The following PXDN variants were observed in gnomAD, a reference collection of about 807,000 sequenced individuals.
PXDN encodes the protein peroxidasin.
A neutral mutation model predicts 140.3 loss-of-function variants in PXDN; 77 were observed. The ratio of observed to expected loss-of-function variants is 0.55; its 90% CI spans 0.46 to 0.66. The LOEUF (loss-of-function observed/expected upper bound fraction) is 0.66. PXDN is among the 30% of genes least tolerant of loss of function. The pLI is 0.00. For synonymous variants in PXDN, 911 were observed against 857.4 expected (o/e 1.06, Z -1.09); for missense variants, 1,838 against 2,039.5 (o/e 0.90, Z 1.90).
intron 1 of PXDN, among the ~76,000 whole-genome samples, chr2:1,740,521 G>A (rs1241576098): frequency 6.6e-6 from 1 of 151,950 alleles, no homozygotes; most frequent in Admixed American, 6.6e-5. Flanking sequence ...GAGACCCACA[G>A]AGCAGCAACA....
chr2:1,698,553 G>T (rs1684348660), intron 1 of PXDN, among the ~76,000 whole-genome samples: 1 of 152,226 alleles, frequency 6.6e-6, no homozygotes, highest in Non-Finnish European at 1.5e-5. Flanking sequence ...TCGGAATTTA[G>T]AAACTAAGAA....
At chr2:1,701,172 C>T (rs1181194648) in intron 1 of PXDN, among the ~76,000 whole-genome samples, 2 of 152,272 alleles carry the variant, frequency 1.3e-5, no homozygotes, top group East Asian at 3.9e-4. Flanking sequence ...GACCTAAAAT[C>T]GCTTCAGTGC....
At chr2:1,693,644 TG>T (rs1354011009) in intron 1 of PXDN, among the ~76,000 whole-genome samples, 3 of 152,232 alleles carry the variant, frequency 2.0e-5, no homozygotes, top group African/African-American at 7.2e-5. Flanking sequence ...GCACGCTAAC[TG>T]GGAAAATAGG....
At chr2:1,668,364 G>T (rs796483646) in intron 9 of PXDN, among the ~76,000 whole-genome samples, 14 of 152,196 alleles carry the variant, frequency 9.2e-5, no homozygotes, top group African/African-American at 3.4e-4. Context: ...AGAAAACCTA[G>T]GCAATAACAT....
At chr2:1,646,637 A>G (rs1378183214) in intron 17 of PXDN, among the ~76,000 whole-genome samples, 3 of 152,236 alleles carry the variant, frequency 2.0e-5, no homozygotes, top group African/African-American at 4.8e-5. Context: ...CAAGTAAAAA[A>G]TCACTTTCCC....
chr2:1,676,805 C>T, intron 8 of PXDN, 122 bp downstream of exon 8: 2 of 926,282 alleles, frequency 2.2e-6, no homozygotes, highest in East Asian at 2.6e-5. Flanking sequence ...CTCCTTTGTA[C>T]TTTTCCCTAC....
intron 6 of PXDN, among the ~76,000 whole-genome samples, 171 bp downstream of exon 6, chr2:1,683,483 CAT>C (rs1449948653): frequency 2.8e-5 from 4 of 144,140 alleles, no homozygotes; most frequent in East Asian, 1.9e-4. Flanking sequence ...GTCTGAGCCA[CAT>C]GTTTTTCATT....
chr2:1,641,149 CTTTTTATT>C (rs1325100527), intron 19 of PXDN, among the ~76,000 whole-genome samples: 3 of 152,142 alleles, frequency 2.0e-5, no homozygotes, highest in Admixed American at 6.6e-5. Context: ...TTAAATGTGT[CTTTTTATT>C]TTTTTATTTT....
intron 1 of PXDN, among the ~76,000 whole-genome samples, chr2:1,722,815 C>T (rs961322072): frequency 2.6e-5 from 4 of 152,222 alleles, no homozygotes; most frequent in Middle Eastern, 3.2e-3. Flanking sequence ...TTGCAGGGCA[C>T]GGTGTGCCTC....
At chr2:1,657,737 G>T (rs1409798861) in intron 14 of PXDN, among the ~76,000 whole-genome samples, 1 of 124,782 alleles carries the variant, frequency 8.0e-6, no homozygotes, top group South Asian at 2.5e-4. Context: ...ACCTGACAGG[G>T]ACGGGCCCCC....
In PXDN at chr2:1,640,187, C is replaced by A. The variant is rs112378454; in HGVS notation, c.3953-765G>T. 1.1e-3 allele frequency among the ~76,000 whole-genome samples: 173 copies of A among 152,104 alleles called. 1 individual carries two copies. The highest frequency in any genetic ancestry group is 4.0e-3 in the African/African-American group (165 of 41,520). On this transcript the variant is annotated intron_variant, in intron 19 of 22. Transcript: ENST00000252804. The stretch of plus-strand genomic sequence containing the variant: ...CCTGGTCCCCGGGTGAGTGAGGGGC[C>A]CTCAGTGCCGTGTCCCACCTGGGCC...
chr2:1,666,480 G>A lies in PXDN; in HGVS notation c.1025C>T (p.Pro342Leu). 6.3e-7 allele frequency: 1 copy of A among 1,590,092 alleles called. No individual in the cohort carries two copies. ...ATTCTGTGGCTGGATTACAAAAGTG[G>A]GTCGAGCTGTCACAATTAAACAGAA... ...TLRYFGSPARPTFVIQPQNTE... is the reference protein window; with the variant it reads ...TLRYFGSPARLTFVIQPQNTE... The change falls in exon 10 of 23, where the codon CCC (proline) becomes CTC (leucine). Residue 342 changes from proline to leucine, a missense_variant. By Grantham distance (98) the Pro-to-Leu change is moderately conservative (BLOSUM62 -3). This residue lies in a region of PXDN where 208 missense variants were observed against 325.8 expected (regional missense o/e 0.64). Coordinates refer to ENST00000252804, the MANE Select transcript of PXDN (RefSeq NM_012293.3).
chr2:1,692,780 C>A (rs1221006370), intron 2 of PXDN, among the ~76,000 whole-genome samples: 1 of 152,190 alleles, frequency 6.6e-6, no homozygotes, highest in African/African-American at 2.4e-5. Flanking sequence ...CTGAGTGATT[C>A]TAGAGCAAGT....
chr2:1,653,712 G>A lies in PXDN; in HGVS notation c.2020C>T (p.Arg674Trp), dbSNP rs545991330. Residue 674 changes from arginine to tryptophan, a missense_variant, in exon 16 of 23, where the codon CGG (arginine) becomes TGG (tryptophan). Transcript: ENST00000252804. ...PRDPYTVEQA[R>W]AGEIFERTLQ... The stretch of plus-strand genomic sequence containing the variant: ...GTCCGTTCAAAGATTTCTCCCGCCC[G>A]TGCCTGTTCAACTGTGTAAGGATCC... The A allele has an allele frequency of 2.7e-5, 43 of 1,605,362 alleles. No homozygotes were observed. The highest frequency in any genetic ancestry group is 9.0e-5 in the South Asian group (8 of 88,810).
Position 1,660,607 on chromosome 2 carries a change from G to A in PXDN, c.1837+274C>T, listed in dbSNP as rs756155717. Among the ~76,000 whole-genome samples, 52 of 152,214 alleles carry A rather than the reference G, an allele frequency of 3.4e-4. 1 individual carries two copies. Among genetic ancestry groups the A allele is most frequent in the Non-Finnish European group, 2.4e-4 (16 of 68,042 alleles). On this transcript the variant is annotated intron_variant, in intron 14 of 22. Transcript: ENST00000252804. The surrounding 1 kb of genome is among the most constrained non-coding windows in gnomAD (Gnocchi z 4.6). ...GAGCAAAGCTCTGCCCAGTGGATGG[G>A]CTGCAGGGTAAGACATTGCCCAGTG...
At chr2:1,696,048 C>T (rs1394450241) in intron 1 of PXDN, among the ~76,000 whole-genome samples, 2 of 152,200 alleles carry the variant, frequency 1.3e-5, no homozygotes, top group Non-Finnish European at 2.9e-5. Flanking sequence ...GAGAGGTAGC[C>T]AGTGTTGAGT....
At chr2:1,720,233 G>A (rs565627323) in intron 1 of PXDN, among the ~76,000 whole-genome samples, 4 of 125,994 alleles carry the variant, frequency 3.2e-5, no homozygotes, top group African/African-American at 1.2e-4. Flanking sequence ...TGCAGAGAGA[G>A]AGAGAGGGAG....
chr2:1,679,690 GTC>G (rs1347096035), intron 7 of PXDN, among the ~76,000 whole-genome samples: 4 of 139,892 alleles, frequency 2.9e-5, no homozygotes, highest in Non-Finnish European at 6.1e-5. Flanking sequence ...CATGTGTGTG[GTC>G]TGTGTCTGCA....
In PXDN at chr2:1,653,496, A is replaced by G. The variant is rs779055971; in HGVS notation, c.2104+132T>C. On this transcript the variant is annotated intron_variant, in intron 16 of 22. Coordinates refer to ENST00000252804, the MANE Select transcript of PXDN (RefSeq NM_012293.3). ...TCAAGAGGAATCACAGTTTAAGGAA[A>G]TAATTTCACAGTTCATAAGCACAGT... 6 of 1,309,016 alleles carry G rather than the reference A, an allele frequency of 4.6e-6. No individual in the cohort carries two copies. The Admixed American group carries it at 1.2e-4, about 26-fold the overall frequency. 81.1% of individuals were successfully genotyped at this position (1,309,016 alleles called of 1,614,324 possible).
Sources: allele counts gnomAD v4.1 joint callset (sites outside exome capture counted in the v4.1 genomes callset), GRCh38; gene constraint gnomAD v4.1.1; regional missense constraint gnomAD v4.1.1; non-coding constraint Gnocchi (gnomAD v3.1); transcripts MANE v1.5; gene names NCBI Gene and HGNC (gene_info 2026-07-23, HGNC 2026-07-21).